The following CCDC171 variants were observed in gnomAD, a reference collection of about 807,000 sequenced individuals.
CCDC171 encodes the protein coiled-coil domain containing 171.
A neutral mutation model predicts 168.2 loss-of-function variants in CCDC171; 177 were observed. That is an observed-to-expected ratio of 1.05 (90% CI 0.93 to 1.19). The LOEUF is 1.19. CCDC171 is among the 50% of genes most tolerant of loss of function. The probability of loss-of-function intolerance (pLI) is 0.00; values close to 1 mark genes in which losing one functional copy is unlikely to be tolerated. For synonymous variants in CCDC171, 687 were observed against 540.8 expected, an observed-to-expected ratio of 1.27 and a Z score of -3.75; for missense variants, 1,991 against 1,539.0, an observed-to-expected ratio of 1.29 and a Z score of -4.91.
intron 24 of CCDC171, among the ~76,000 whole-genome samples, chr9:15,898,642 A>C (rs1015770557): frequency 6.6e-6 from 1 of 152,176 alleles, no homozygotes. Flanking sequence ...ACATGTCTAT[A>C]AATTTGTATA....
At position 16,049,696 on chromosome 9, in the gene CCDC171, C is replaced by T. The variant is rs999470087; in HGVS notation, n.89+6810C>T. Among the ~76,000 whole-genome samples the T allele has an allele frequency of 2.6e-5, 4 of 152,258 alleles. No homozygotes were observed. In the South Asian group the frequency reaches 8.3e-4, roughly 32 times the overall value. ...TCAAGTTTGGACAGAGCCACACTAC[C>T]AGCATCCCCGGGTCTCCAGCTTGCA... On this transcript the variant is annotated intron_variant and non_coding_transcript_variant, in intron 1 of 1. Transcript: ENST00000478913.
At position 15,971,715 on chromosome 9, in the gene CCDC171, C is replaced by G. The variant is rs771526903; in HGVS notation, c.3860C>G (p.Thr1287Ser). 4.3e-6 allele frequency: 7 copies of G among 1,613,774 alleles called. No individual in the cohort carries two copies. The Middle Eastern group carries it at 4.9e-4, about 114-fold the overall frequency. ...DFLPLKAELD[T>S]TYTFLKETFI... Reference sequence around the variant, plus strand: ...TTACCATTGAAAGCTGAACTTGATACTACTTACACTTTCTTAAAGGAGACA... The same window carrying G: ...TTACCATTGAAAGCTGAACTTGATAGTACTTACACTTTCTTAAAGGAGACA... The change falls in exon 26 of 26, where the codon ACT becomes AGT. Residue 1287 changes from threonine to serine, a missense_variant. Physicochemically the swap from Thr to Ser is moderately conservative, Grantham distance 58. Transcript: ENST00000380701.
rs115781336 is a variant in CCDC171, at chr9:15,862,280, G to A, written c.3469-12252G>A. On this transcript the variant is annotated intron_variant, in intron 23 of 25. Transcript: ENST00000380701. ...ATTATTATTTTCTTCCTCCGACTGGGTGATTTCACGTGGCCTATCTTCAAG... is the reference window on the plus strand; with the variant it reads ...ATTATTATTTTCTTCCTCCGACTGGATGATTTCACGTGGCCTATCTTCAAG... Among the ~76,000 whole-genome samples, 1,274 of 150,982 alleles carry A rather than the reference G, an allele frequency of 8.4e-3. 17 individuals carry two copies. Among genetic ancestry groups the A allele is most frequent in the African/African-American group, 0.029 (1,208 of 41,188 alleles).
intron 18 of CCDC171, among the ~76,000 whole-genome samples, chr9:15,760,225 A>G (rs2135064276): frequency 6.6e-6 from 1 of 152,262 alleles, no homozygotes; most frequent in Admixed American, 6.5e-5. Flanking sequence ...CCCCAGGAAA[A>G]CTGTGGTGCA....
At chr9:15,658,248 G>T (rs990647448) in intron 8 of CCDC171, among the ~76,000 whole-genome samples, 10 of 152,284 alleles carry the variant, frequency 6.6e-5, no homozygotes, top group Admixed American at 5.9e-4. Flanking sequence ...CCTTTTTCGT[G>T]CTAAGAAACT....
intron 21 of CCDC171, among the ~76,000 whole-genome samples, chr9:15,830,927 A>G (rs955201438): frequency 2.0e-5 from 3 of 149,806 alleles, no homozygotes; most frequent in Non-Finnish European, 4.5e-5. Flanking sequence ...CTGTTCAGCA[A>G]TTTTGGCTTT....
intron 5 of CCDC171, chr9:16,022,712 C>T (rs1054706364): frequency 7.9e-5 from 12 of 152,278 alleles, no homozygotes; most frequent in African/African-American, 2.2e-4. Flanking sequence ...GGTAAAGCTT[C>T]TTCAGGCCCT....
chr9:15,765,274 C>A (rs867093467), intron 18 of CCDC171, among the ~76,000 whole-genome samples: 1 of 151,720 alleles, frequency 6.6e-6, no homozygotes, highest in African/African-American at 2.4e-5. Context: ...GGAGCAGGAG[C>A]AATATTTAGG....
chr9:15,778,879 T>G, intron 19 of CCDC171, 89 bp from the exon 20 acceptor site: 1 of 973,676 alleles, frequency 1.0e-6, no homozygotes, highest in Non-Finnish European at 1.4e-6. Context: ...TTGGATAATC[T>G]AAGTTACATT....
intron 24 of CCDC171, among the ~76,000 whole-genome samples, chr9:15,909,023 A>G (rs1213876847): frequency 1.3e-5 from 2 of 152,196 alleles, no homozygotes; most frequent in African/African-American, 4.8e-5. Flanking sequence ...ACCATGTATC[A>G]TGGGTGATGG....
chr9:15,910,870 A>G (rs1431883175), intron 24 of CCDC171, among the ~76,000 whole-genome samples: 1 of 152,200 alleles, frequency 6.6e-6, no homozygotes, highest in East Asian at 1.9e-4. Context: ...TGCAGAGGAC[A>G]TGAAATCATT....
At chr9:15,888,493 C>T (rs373077853) in intron 24 of CCDC171, among the ~76,000 whole-genome samples, 3 of 152,106 alleles carry the variant, frequency 2.0e-5, no homozygotes, top group Admixed American at 1.3e-4. Context: ...AACATTTCGT[C>T]ACCTTTATTT....
At chr9:15,954,063 TC>T (rs1672142301) in intron 25 of CCDC171, among the ~76,000 whole-genome samples, 1 of 151,964 alleles carries the variant, frequency 6.6e-6, no homozygotes, top group Non-Finnish European at 1.5e-5. Flanking sequence ...TTTCTTTTTT[TC>T]TTGCCTATCT....
chr9:16,050,797 C>T lies in CCDC171; in HGVS notation n.89+7911C>T, dbSNP rs528195338. Among the ~76,000 whole-genome samples, 42 of 152,358 alleles carry T rather than the reference C, an allele frequency of 2.8e-4. 1 individual carries two copies. The highest frequency in any genetic ancestry group is 2.4e-3 in the Admixed American group (37 of 15,304). On this transcript the variant is annotated intron_variant and non_coding_transcript_variant, in intron 1 of 1. Transcript: ENST00000478913. Reference sequence around the variant, plus strand: ...TCACAAGATCTGGGCTCTTGAGCTACTGCATATGTGGTAGTAACCCCTCAA... The same window carrying T: ...TCACAAGATCTGGGCTCTTGAGCTATTGCATATGTGGTAGTAACCCCTCAA...
At chr9:15,653,912 T>C (rs2047724596) in intron 7 of CCDC171, among the ~76,000 whole-genome samples, 1 of 152,116 alleles carries the variant, frequency 6.6e-6, no homozygotes, top group South Asian at 2.1e-4. Flanking sequence ...GCCCAAAGAT[T>C]GGGGTTTAAA....
chr9:16,062,534 G>C (rs1262401094), downstream of CCDC171, among the ~76,000 whole-genome samples: 9 of 152,146 alleles, frequency 5.9e-5, no homozygotes, highest in South Asian at 1.9e-3. Flanking sequence ...ACCTGCCCCT[G>C]TATGCCCTGA....
intron 3 of CCDC171, among the ~76,000 whole-genome samples, chr9:16,007,447 A>C (rs865941572): frequency 1.3e-5 from 2 of 151,840 alleles, no homozygotes; most frequent in South Asian, 4.2e-4. Flanking sequence ...TTAGATCCCA[A>C]TTGTCAATTT....
the CCDC171 span, among the ~76,000 whole-genome samples, chr9:16,076,053 A>G: frequency 6.6e-6 from 1 of 152,216 alleles, no homozygotes; most frequent in African/African-American, 2.4e-5. Flanking sequence ...TGATCCACCA[A>G]TGCAGAGGGT....
chr9:15,825,471 T>C (rs184833611), intron 21 of CCDC171, among the ~76,000 whole-genome samples: 12 of 152,232 alleles, frequency 7.9e-5, no homozygotes, highest in Admixed American at 6.5e-4. Flanking sequence ...AAAATAAATA[T>C]AAATTACAAA....
Sources: allele counts gnomAD v4.1 joint callset (sites outside exome capture counted in the v4.1 genomes callset), GRCh38; gene constraint gnomAD v4.1.1; transcripts MANE v1.5; gene names NCBI Gene and HGNC (gene_info 2026-07-23, HGNC 2026-07-21).